The following IL1RAPL2 variants were observed in gnomAD, a reference collection of about 807,000 sequenced individuals.
The protein encoded by IL1RAPL2 is interleukin 1 receptor accessory protein like 2.
Under a neutral mutation model 44.1 loss-of-function variants are expected in IL1RAPL2, and 3 were observed. The ratio of observed to expected loss-of-function variants is 0.07; its 90% CI spans 0.03 to 0.18. The LOEUF is 0.18. Ranked by LOEUF, IL1RAPL2 falls within the 10% of genes least tolerant of loss-of-function variation. IL1RAPL2 has a pLI of 1.00. For synonymous variants in IL1RAPL2, 181 were observed against 178.8 expected (o/e 1.01, Z -0.10); for missense variants, 391 against 496.4 (o/e 0.79, Z 2.02).
intron 9 of IL1RAPL2, among the ~76,000 whole-genome samples, chrX:105,754,541 G>A (rs1031228471): frequency 1.8e-5 from 2 of 112,669 alleles, no homozygotes; most frequent in African/African-American, 3.2e-5. Flanking sequence ...TTGGAAGCTT[G>A]TGTCATATTA....
chrX:104,634,750 G>C (rs1003206001), intron 1 of IL1RAPL2, among the ~76,000 whole-genome samples: 51 of 111,674 alleles, frequency 4.6e-4, no homozygotes, highest in Non-Finnish European at 7.5e-5. Flanking sequence ...CTGCACATGA[G>C]ATGGATTTCC....
intron 2 of IL1RAPL2, among the ~76,000 whole-genome samples, chrX:104,844,187 A>T (rs755247021): frequency 1.8e-5 from 2 of 110,575 alleles, no homozygotes; most frequent in African/African-American, 6.6e-5. Flanking sequence ...TGGAAGTTAA[A>T]CCAATGTGCT....
At chrX:104,997,414 T>C (rs1372268745) in intron 2 of IL1RAPL2, among the ~76,000 whole-genome samples, 5 of 111,607 alleles carry the variant, frequency 4.5e-5, no homozygotes, top group Non-Finnish European at 9.4e-5. Context: ...ATTAGTGGCT[T>C]ATATTTGTGT....
At chrX:105,659,471 A>C (rs959594193) in intron 6 of IL1RAPL2, among the ~76,000 whole-genome samples, 7 of 108,387 alleles carry the variant, frequency 6.5e-5, no homozygotes, top group African/African-American at 6.7e-5. Flanking sequence ...TCCTGGCTAA[A>C]ACGGTGAAAC....
At position 105,686,813 on chromosome X, in the gene IL1RAPL2, A is replaced by C. The variant is rs770617742; in HGVS notation, c.773-30554A>C. Among the ~76,000 whole-genome samples, 16 of 112,040 alleles carry C rather than the reference A, an allele frequency of 1.4e-4. 1 individual carries two copies. Among genetic ancestry groups the C allele is most frequent in the African/African-American group, 5.2e-4 (16 of 30,814 alleles). On this transcript the variant is annotated intron_variant, in intron 6 of 10. Transcript: ENST00000372582. ...TTGCACTTATTCTAAAATTGACTGC[A>C]TAATTGGAAGTAAAGCACTCCTCAG...
intron 5 of IL1RAPL2, among the ~76,000 whole-genome samples, chrX:105,401,585 T>C (rs1380005916): frequency 9.0e-6 from 1 of 110,938 alleles, no homozygotes; most frequent in Non-Finnish European, 1.9e-5. Flanking sequence ...TAAAATTTCT[T>C]CCAACTGGGA....
intron 3 of IL1RAPL2, among the ~76,000 whole-genome samples, chrX:105,225,304 CA>C (rs1227302224): frequency 8.9e-6 from 1 of 112,085 alleles, no homozygotes; most frequent in Non-Finnish European, 1.9e-5. Context: ...ATTTTGATGA[CA>C]AAAATTTTAT....
chrX:104,763,731 G>A (rs1040000885), intron 2 of IL1RAPL2, among the ~76,000 whole-genome samples: 1 of 111,066 alleles, frequency 9.0e-6, no homozygotes, highest in Non-Finnish European at 1.9e-5. Flanking sequence ...TCATATCTCA[G>A]GAGAACTCAC....
At chrX:104,704,528 C>T (rs1013920042) in intron 2 of IL1RAPL2, among the ~76,000 whole-genome samples, 4 of 111,293 alleles carry the variant, frequency 3.6e-5, no homozygotes, top group Non-Finnish European at 5.7e-5. Flanking sequence ...GAATTATCTG[C>T]TATAATGGAC....
At position 105,239,586 on chromosome X, in the gene IL1RAPL2, T is replaced by C. The variant is rs373407551; in HGVS notation, c.543+5582T>C. Among the ~76,000 whole-genome samples, 36 of 89,952 alleles carry C rather than the reference T, an allele frequency of 4.0e-4. 5 individuals are homozygous for C. In the Middle Eastern group the frequency reaches 0.026, roughly 66 times the overall value. 78.1% of individuals were successfully genotyped at this position (89,952 alleles called of 115,157 possible). A position where few individuals can be genotyped will look rare whatever the true frequency, so the allele number is the denominator to read the frequency against. ...ATCCATGTATAAGGCTGGTTATCCA[T>C]GTATAAGGCTGGCCATTTTTTTTTC... is the stretch of plus-strand genomic sequence containing the variant. On this transcript the variant is annotated intron_variant, in intron 4 of 10. Transcript: ENST00000372582.
chrX:105,633,709 G>A (rs911473671), intron 6 of IL1RAPL2, among the ~76,000 whole-genome samples: 1 of 111,097 alleles, frequency 9.0e-6, no homozygotes, highest in Non-Finnish European at 1.9e-5. Context: ...GTTTTGATTA[G>A]TGTTTATATA....
intron 2 of IL1RAPL2, among the ~76,000 whole-genome samples, chrX:104,743,753 GC>G (rs1280827467): frequency 7.2e-5 from 8 of 111,221 alleles, no homozygotes; most frequent in African/African-American, 9.8e-5. Context: ...AGATTACTTT[GC>G]AGACTTCCTT....
chrX:105,271,113 T>G (rs1254548208), intron 5 of IL1RAPL2, among the ~76,000 whole-genome samples: 1 of 112,436 alleles, frequency 8.9e-6, no homozygotes, highest in Non-Finnish European at 1.9e-5. Context: ...AGGTTATCAT[T>G]TGCTTTAATG....
intron 6 of IL1RAPL2, among the ~76,000 whole-genome samples, chrX:105,603,502 A>G (rs1020083653): frequency 6.3e-5 from 7 of 111,754 alleles, no homozygotes; most frequent in Non-Finnish European, 1.3e-4. Context: ...ATAAGTATGT[A>G]TGCCCTCAAC....
intron 2 of IL1RAPL2, among the ~76,000 whole-genome samples, chrX:104,716,450 G>A (rs770289909): frequency 2.5e-4 from 28 of 111,529 alleles, no homozygotes; most frequent in Admixed American, 4.8e-4. Flanking sequence ...AAACTAAAGA[G>A]CTTCTGCACA....
At chrX:104,678,827 A>T (rs1930838627) in intron 2 of IL1RAPL2, among the ~76,000 whole-genome samples, 1 of 110,699 alleles carries the variant, frequency 9.0e-6, no homozygotes, top group Admixed American at 9.6e-5. Context: ...CTGTTGGGGG[A>T]TGAGGGGCGA....
In IL1RAPL2 at chrX:104,715,480, A is replaced by G. The variant is rs1028172319; in HGVS notation, c.82+56485A>G. On this transcript the variant is annotated intron_variant, in intron 2 of 10. Coordinates refer to ENST00000372582, the MANE Select transcript of IL1RAPL2 (RefSeq NM_017416.2). ...TCTTTTGAACGGTTTTTGTGTCTCT[A>G]TCTCCTTCAGTTGAGCTCTGACTTT... is the stretch of plus-strand genomic sequence containing the variant. Among the ~76,000 whole-genome samples, 8 of 103,784 alleles carry G rather than the reference A, an allele frequency of 7.7e-5. No homozygotes were observed. The East Asian group carries it at 9.0e-4, about 12-fold the overall frequency. 90.1% of individuals were successfully genotyped at this position (103,784 alleles called of 115,157 possible). A position where few individuals can be genotyped will look rare whatever the true frequency, so the allele number is the denominator to read the frequency against.
intron 5 of IL1RAPL2, among the ~76,000 whole-genome samples, chrX:105,395,395 AAG>A (rs1420713507): frequency 2.7e-5 from 3 of 110,433 alleles, no homozygotes; most frequent in African/African-American, 6.6e-5. Flanking sequence ...AAAAGAAAAG[AAG>A]AGATATTCTT....
intron 6 of IL1RAPL2, among the ~76,000 whole-genome samples, chrX:105,657,701 G>A (rs2037686044): frequency 9.0e-6 from 1 of 111,702 alleles, no homozygotes; most frequent in Non-Finnish European, 1.9e-5. Flanking sequence ...TGCAACCTCC[G>A]CCTCCCGGTT....
Sources: allele counts gnomAD v4.1 joint callset (sites outside exome capture counted in the v4.1 genomes callset), GRCh38; gene constraint gnomAD v4.1.1; transcripts MANE v1.5; gene names NCBI Gene and HGNC (gene_info 2026-07-23, HGNC 2026-07-21).